RHOH: variants seen among roughly 807,000 people sequenced by gnomAD.
RHOH encodes ras homolog family member H.
In RHOH, 6 loss-of-function variants were observed where a neutral mutation model predicts 13.8. The observed-to-expected ratio is 0.44, with a 90% CI of 0.24 to 0.86. RHOH has a LOEUF of 0.86. RHOH is among the 40% of genes least tolerant of loss of function. RHOH has a pLI of 0.24. For missense variants in RHOH, 147 were observed against 244.5 expected (o/e 0.60, Z 2.66); for synonymous variants, 117 against 103.0 (o/e 1.14, Z -0.82).
intron 1 of RHOH, among the ~76,000 whole-genome samples, chr4:40,235,638 G>A (rs1158434842): frequency 6.7e-6 from 1 of 149,682 alleles, no homozygotes; most frequent in East Asian, 2.0e-4. Flanking sequence ...GCAAGAACTG[G>A]TTTATTTTCA....
upstream of RHOH, among the ~76,000 whole-genome samples, chr4:40,195,410 CTT>C (rs1723039757): frequency 7.6e-6 from 1 of 132,270 alleles, no homozygotes; most frequent in Non-Finnish European, 1.7e-5. Flanking sequence ...TCCTTCCTTC[CTT>C]CCTTCCCTCC....
chr4:40,234,457 T>G (rs1308345262), intron 1 of RHOH, among the ~76,000 whole-genome samples: 1 of 152,102 alleles, frequency 6.6e-6, no homozygotes, highest in Non-Finnish European at 1.5e-5. Context: ...AACGATTCCT[T>G]GATTGTGCTC....
At chr4:40,214,122 G>A (rs1314824635) in intron 1 of RHOH, among the ~76,000 whole-genome samples, 2 of 152,176 alleles carry the variant, frequency 1.3e-5, no homozygotes, top group South Asian at 2.1e-4. Flanking sequence ...TGCTTGATGT[G>A]ATGCAGGTTC....
In RHOH at chr4:40,213,335, TTC is replaced by T. The variant is rs558461413; in HGVS notation, c.-331+16052_-331+16053del. On this transcript the variant is annotated intron_variant, in intron 1 of 2. Coordinates refer to ENST00000381799, the MANE Select transcript of RHOH (RefSeq NM_004310.5). ...GGGTCTCACTCTTCTAGTTCCTGAC[TTC>T]TCTCTCTCTCTCTCTCGTTTCTCTT... 2.3e-3 allele frequency among the ~76,000 whole-genome samples: 345 copies of T among 147,774 alleles called. 2 individuals are homozygous for T. Among genetic ancestry groups the T allele is most frequent in the Middle Eastern group, 7.0e-3 (2 of 284 alleles).
chr4:40,200,681 G>T (rs544985409), intron 1 of RHOH: 1 of 152,242 alleles, frequency 6.6e-6, no homozygotes, highest in South Asian at 2.1e-4. Context: ...ATGAGTTATC[G>T]GGAGCGGGGT....
At chr4:40,196,692 C>CT (rs397768063), upstream of RHOH, among the ~76,000 whole-genome samples, 33,088 of 117,552 alleles carry the variant, frequency 0.28, 5,712 homozygotes, top group African/African-American at 0.47. Context: ...GTGGCATGGA[C>CT]TTTTTTTTTT....
upstream of RHOH, among the ~76,000 whole-genome samples, chr4:40,191,529 C>T (rs753733225): frequency 2.6e-4 from 40 of 152,178 alleles, no homozygotes; most frequent in Non-Finnish European, 5.3e-4. Context: ...TGAAGGGAAA[C>T]GGTCATTTGA....
At chr4:40,192,395 G>A (rs1027325333), upstream of RHOH, among the ~76,000 whole-genome samples, 1 of 152,252 alleles carries the variant, frequency 6.6e-6, no homozygotes. Context: ...GGAGGGAAAG[G>A]CATCTTACTA....
intron 1 of RHOH, among the ~76,000 whole-genome samples, chr4:40,201,628 G>A (rs757228872): frequency 3.3e-5 from 5 of 152,104 alleles, no homozygotes; most frequent in Admixed American, 6.6e-5. Context: ...GTGAAAATCA[G>A]CAAACACAAT....
intron 1 of RHOH, among the ~76,000 whole-genome samples, chr4:40,219,410 CAA>C (rs35585203): frequency 1.1e-3 from 101 of 92,580 alleles, no homozygotes; most frequent in South Asian, 1.9e-3. Context: ...GACTCCATCT[CAA>C]AAAAAAAAAA....
chr4:40,204,904 G>T (rs923332013), intron 1 of RHOH, among the ~76,000 whole-genome samples: 1 of 152,220 alleles, frequency 6.6e-6, no homozygotes, highest in African/African-American at 2.4e-5. Context: ...ATTTGGGAAA[G>T]CAGTCTCTCA....
intron 1 of RHOH, among the ~76,000 whole-genome samples, chr4:40,229,670 G>A (rs1187139379): frequency 1.3e-5 from 2 of 148,216 alleles, no homozygotes; most frequent in East Asian, 3.9e-4. Flanking sequence ...GAAAACAAAA[G>A]CCCCCACGCT....
At chr4:40,223,457 G>A (rs1249960538) in intron 1 of RHOH, among the ~76,000 whole-genome samples, 1 of 140,414 alleles carries the variant, frequency 7.1e-6, no homozygotes, top group East Asian at 2.2e-4. Context: ...AGGCTCAGAT[G>A]ATTGTTAGCT....
chr4:40,228,446 C>T (rs114338199), intron 1 of RHOH, among the ~76,000 whole-genome samples: 1 of 151,952 alleles, frequency 6.6e-6, no homozygotes, highest in Non-Finnish European at 1.5e-5. Flanking sequence ...AGAGAAGTTA[C>T]AATAGGGAGG....
In RHOH at chr4:40,243,543, A is replaced by G. The variant is rs1393660972; in HGVS notation, c.157A>G (p.Ser53Gly). 1 of 1,613,950 alleles carries G rather than the reference A, an allele frequency of 6.2e-7. No individual in the cohort carries two copies. Residue 53 changes from serine (S) to glycine (G), a missense_variant, in exon 3 of 3, where the codon AGC becomes GGC. By Grantham distance (56) the Ser-to-Gly change is moderately conservative (BLOSUM62 0). This residue lies in a region of RHOH where 80 missense variants were observed against 152.0 expected (regional missense o/e 0.53). Transcript: ENST00000381799. The surrounding 1 kb of genome is among the most constrained non-coding windows in gnomAD (Gnocchi z 6.2). ...CGTCTTCATGGATGGCATCCAGATC[A>G]GCCTGGGCCTCTGGGACACAGCCGG... is the stretch of plus-strand genomic sequence containing the variant. The part of the protein sequence containing the change: ...VDVFMDGIQI[S>G]LGLWDTAGND...
intron 1 of RHOH, among the ~76,000 whole-genome samples, chr4:40,221,218 C>T (rs1410219383): frequency 1.3e-5 from 2 of 152,132 alleles, no homozygotes; most frequent in East Asian, 1.9e-4. Flanking sequence ...ATGTCCTTCT[C>T]GGCAAGGGAA....
At chr4:40,198,223 G>A (rs1163510455) in intron 1 of RHOH, among the ~76,000 whole-genome samples, 2 of 152,182 alleles carry the variant, frequency 1.3e-5, no homozygotes, top group Non-Finnish European at 2.9e-5. Flanking sequence ...CTGGGCTTTG[G>A]AAGAATGCGA....
At chr4:40,227,051 C>A (rs562921756) in intron 1 of RHOH, among the ~76,000 whole-genome samples, 2 of 151,832 alleles carry the variant, frequency 1.3e-5, no homozygotes, top group Non-Finnish European at 2.9e-5. Flanking sequence ...TCCAGCTACT[C>A]GGGAGGCTGA....
chr4:40,243,935 C>T lies in RHOH; in HGVS notation c.549C>T (p.Phe183=). ...QARRRNRRRL[F]SINECKIF ...GGAGACGAAACAGAAGGAGGCTCTTCTCCATCAATGAGTGCAAGATCTTCT... is the reference window on the plus strand; with the variant it reads ...GGAGACGAAACAGAAGGAGGCTCTTTTCCATCAATGAGTGCAAGATCTTCT... Residue 183 remains phenylalanine, a synonymous_variant, in exon 3 of 3, where the codon TTC becomes TTT. Transcript: ENST00000381799. The surrounding 1 kb of genome is among the most constrained non-coding windows in gnomAD (Gnocchi z 6.2). The T allele has an allele frequency of 6.2e-7, 1 of 1,613,798 alleles. No homozygotes were observed. Among genetic ancestry groups the T allele is most frequent in the Non-Finnish European group, 8.5e-7 (1 of 1,179,818 alleles).
Sources: gnomAD v4.1 joint callset for allele counts (sites outside exome capture counted in the v4.1 genomes callset) on GRCh38, gnomAD v4.1.1 for gene constraint, gnomAD v4.1.1 regional missense constraint, Gnocchi (gnomAD v3.1) non-coding constraint, MANE v1.5 for transcripts, NCBI Gene and HGNC (gene_info 2026-07-23, HGNC 2026-07-21) for gene names.